The following EFL1 variants were observed in gnomAD, a reference collection of about 807,000 sequenced individuals.
EFL1 encodes elongation factor-like GTPase 1.
EFL1 carries 76 observed loss-of-function variants against 126.7 expected under a neutral mutation model. That is an observed-to-expected ratio of 0.60 (90% CI 0.50 to 0.73). The LOEUF (loss-of-function observed/expected upper bound fraction) is 0.73. Ranked by LOEUF, EFL1 falls within the 30% of genes least tolerant of loss-of-function variation. The pLI, the probability that EFL1 is intolerant of heterozygous loss-of-function variation, is 0.00. For missense variants in EFL1, 1,128 were observed against 1,343.2 expected, an observed-to-expected ratio of 0.84 and a Z score of 2.50; for synonymous variants, 410 against 448.4, an observed-to-expected ratio of 0.91 and a Z score of 1.08.
At chr15:82,161,070 C>T (rs1256332236) in intron 16 of EFL1, among the ~76,000 whole-genome samples, 1 of 152,028 alleles carries the variant, frequency 6.6e-6, no homozygotes, top group Non-Finnish European at 1.5e-5. Context: ...GAGATTTTGA[C>T]CCCCACTTGG....
intron 15 of EFL1, 32 bp from the exon 16 acceptor site, chr15:82,164,016 A>C (rs369539916): frequency 8.1e-6 from 13 of 1,606,614 alleles, no homozygotes; most frequent in Middle Eastern, 3.3e-4. Context: ...ACGGTCAATA[A>C]GGGATGATAA....
intron 18 of EFL1, among the ~76,000 whole-genome samples, chr15:82,143,450 C>T (rs1406185660): frequency 6.6e-6 from 1 of 152,148 alleles, no homozygotes; most frequent in African/African-American, 2.4e-5. Context: ...AACACTTATG[C>T]ACTAACTTTA....
intron 15 of EFL1, among the ~76,000 whole-genome samples, chr15:82,199,422 T>C (rs1285536177): frequency 6.6e-6 from 1 of 152,174 alleles, no homozygotes; most frequent in South Asian, 2.1e-4. Flanking sequence ...CAGGCAAAAG[T>C]AGTTCTGGCT....
chr15:82,133,138 A>C (rs1168791072), intron 19 of EFL1, among the ~76,000 whole-genome samples: 1 of 152,196 alleles, frequency 6.6e-6, no homozygotes, highest in Non-Finnish European at 1.5e-5. Flanking sequence ...ATAAAGCTAC[A>C]TATGTAATAC....
intron 15 of EFL1, among the ~76,000 whole-genome samples, chr15:82,213,882 A>C (rs2074614963): frequency 6.6e-6 from 1 of 152,262 alleles, no homozygotes; most frequent in South Asian, 2.1e-4. Flanking sequence ...AAAGAAAAGA[A>C]TATATCTCTG....
chr15:82,253,702 T>G (rs181034012), intron 3 of EFL1, among the ~76,000 whole-genome samples: 1 of 152,258 alleles, frequency 6.6e-6, no homozygotes, highest in Admixed American at 6.5e-5. Flanking sequence ...ACATCTTTTT[T>G]AAAAAAAGAA....
intron 15 of EFL1, among the ~76,000 whole-genome samples, chr15:82,199,984 A>C (rs1270696193): frequency 1.3e-5 from 2 of 152,268 alleles, no homozygotes; most frequent in Non-Finnish European, 2.9e-5. Context: ...CAAACAATAC[A>C]GGCTTGCAAA....
At chr15:82,145,410 T>C (rs2073834082) in intron 18 of EFL1, among the ~76,000 whole-genome samples, 1 of 151,234 alleles carries the variant, frequency 6.6e-6, no homozygotes, top group African/African-American at 2.4e-5. Context: ...TGTGTAAAAA[T>C]AAAAGATTAA....
chr15:82,132,705 G>T, intron 19 of EFL1, among the ~76,000 whole-genome samples: 1 of 145,778 alleles, frequency 6.9e-6, no homozygotes, highest in Non-Finnish European at 1.5e-5. Flanking sequence ...GGTAGGCAGA[G>T]TGGCAGACAA....
chr15:82,130,528 T>A lies in EFL1; in HGVS notation c.3208A>T (p.Thr1070Ser), dbSNP rs745508211. 8 of 1,614,046 alleles carry A rather than the reference T, an allele frequency of 5.0e-6. No individual in the cohort carries two copies. Among genetic ancestry groups the A allele is most frequent in the Non-Finnish European group, 6.8e-6 (8 of 1,180,040 alleles). ...CCAAAGTGCAAGTATTCCTCCTCAG[T>A]AGTTGGCACCCAGAAGGGGTCACTG... ...IPSDPFWVPT[T>S]EEEYLHFGEK... is the part of the protein sequence containing the mutation. Residue 1070 changes from threonine to serine, a missense_variant, in exon 20 of 20, where the codon ACT becomes TCT. Physicochemically the swap from Thr to Ser is moderately conservative, Grantham distance 58 (BLOSUM62 1). Around this residue, in one of 6 missense-constraint regions of EFL1, gnomAD observed 561 missense variants for 641.7 expected, o/e 0.87. Transcript: ENST00000268206.
At chr15:82,226,644 G>A (rs768616105) in intron 11 of EFL1, among the ~76,000 whole-genome samples, 3 of 152,176 alleles carry the variant, frequency 2.0e-5, no homozygotes, top group Non-Finnish European at 4.4e-5. Context: ...TGTAGAGGGA[G>A]TTCTAGATAT....
At chr15:82,231,104 G>T in intron 7 of EFL1, 133 bp from the exon 8 acceptor site, 1 of 1,087,528 alleles carries the variant, frequency 9.2e-7, no homozygotes, top group Admixed American at 2.9e-5. Flanking sequence ...TCATTTTACA[G>T]AAAAGGGTAA....
intron 15 of EFL1, among the ~76,000 whole-genome samples, chr15:82,177,914 G>A (rs2074211265): frequency 6.6e-6 from 1 of 152,144 alleles, no homozygotes; most frequent in Admixed American, 6.5e-5. Flanking sequence ...TAATGTGAAA[G>A]TTATTTCAAG....
chr15:82,217,955 G>C (rs1338428358), intron 14 of EFL1, among the ~76,000 whole-genome samples: 1 of 152,148 alleles, frequency 6.6e-6, no homozygotes, highest in Non-Finnish European at 1.5e-5. Flanking sequence ...AGGAGCTGAG[G>C]GCAGCCAAAG....
chr15:82,247,621 C>A (rs2074984745), intron 4 of EFL1, among the ~76,000 whole-genome samples: 1 of 152,078 alleles, frequency 6.6e-6, no homozygotes, highest in Non-Finnish European at 1.5e-5. Context: ...GAGTAGCATT[C>A]ACTTGGAAAA....
At chr15:82,136,016 T>C (rs1366578960) in intron 19 of EFL1, among the ~76,000 whole-genome samples, 4 of 152,092 alleles carry the variant, frequency 2.6e-5, no homozygotes, top group Non-Finnish European at 5.9e-5. Flanking sequence ...TGAGCCACTA[T>C]ATTTTGGGAT....
At chr15:82,187,596 T>C (rs2141267146) in intron 15 of EFL1, among the ~76,000 whole-genome samples, 1 of 152,308 alleles carries the variant, frequency 6.6e-6, no homozygotes, top group East Asian at 1.9e-4. Context: ...ATTTTATATC[T>C]ACCTATTAAA....
At chr15:82,200,785 T>C (rs539938875) in intron 15 of EFL1, among the ~76,000 whole-genome samples, 1 of 152,348 alleles carries the variant, frequency 6.6e-6, no homozygotes, top group African/African-American at 2.4e-5. Context: ...ACCAAGAAAG[T>C]ATTTTGCTTT....
chr15:82,135,359 A>G (rs1457272935), intron 19 of EFL1, among the ~76,000 whole-genome samples: 1 of 152,182 alleles, frequency 6.6e-6, no homozygotes, highest in Non-Finnish European at 1.5e-5. Flanking sequence ...CTTTCAGGTA[A>G]CAAAAACTGC....
Sources: gnomAD v4.1 joint callset for allele counts (sites outside exome capture counted in the v4.1 genomes callset) on GRCh38, gnomAD v4.1.1 for gene constraint, gnomAD v4.1.1 regional missense constraint, MANE v1.5 for transcripts, NCBI Gene and HGNC (gene_info 2026-07-23, HGNC 2026-07-21) for gene names.